CTCF: variants seen among roughly 807,000 people sequenced by gnomAD.
The protein encoded by CTCF is CCCTC-binding factor.
In CTCF, 7 loss-of-function variants were observed where a neutral mutation model predicts 72.3. The observed-to-expected ratio is 0.10, with a 90% CI of 0.06 to 0.18. The LOEUF (loss-of-function observed/expected upper bound fraction) is 0.18. Among genes scored for constraint, CTCF ranks in the 10% least tolerant of loss-of-function variants. The pLI is 1.00. For synonymous variants in CTCF, 374 were observed against 315.8 expected, an observed-to-expected ratio of 1.18 and a Z score of -1.95; for missense variants, 516 against 949.1, an observed-to-expected ratio of 0.54 and a Z score of 6.00.
intron 4 of CTCF, chr16:67,615,917 A>C (rs2052126507): frequency 6.6e-6 from 1 of 152,182 alleles, no homozygotes; most frequent in South Asian, 2.1e-4. Flanking sequence ...CCTCAAAGGC[A>C]GCCTTCCTTT....
intron 11 of CTCF, 122 bp downstream of exon 11, chr16:67,636,973 G>A (rs530610202): frequency 1.3e-5 from 12 of 891,760 alleles, no homozygotes; most frequent in Non-Finnish European, 1.4e-5. Flanking sequence ...AGGGCATGTC[G>A]AGAACAAACT....
At chr16:67,585,078 T>C (rs1482530017) in intron 2 of CTCF, among the ~76,000 whole-genome samples, 1 of 152,204 alleles carries the variant, frequency 6.6e-6, no homozygotes. Context: ...AGAGTTTTGC[T>C]CTTACTGCCC....
intron 2 of CTCF, among the ~76,000 whole-genome samples, chr16:67,575,336 A>G (rs958809594): frequency 6.6e-6 from 1 of 151,922 alleles, no homozygotes; most frequent in African/African-American, 2.4e-5. Flanking sequence ...CTTTGGGAGG[A>G]TGAATTTTAT....
chr16:67,610,042 C>A (rs1233800844), intron 2 of CTCF, among the ~76,000 whole-genome samples: 1 of 152,124 alleles, frequency 6.6e-6, no homozygotes, highest in African/African-American at 2.4e-5. Flanking sequence ...TAGTGACAAC[C>A]AAAAATGTGT....
rs865859630 is a variant in CTCF, at chr16:67,638,021, A to G, written c.*149A>G. On this transcript the variant is annotated 3_prime_UTR_variant, in exon 12 of 12. Transcript: ENST00000264010. Reference sequence around the variant, plus strand: ...GAACGAAAACTTCAAGGATGATGTTAGAAAAAAATGTGATTTAACTAGAAC... The same window carrying G: ...GAACGAAAACTTCAAGGATGATGTTGGAAAAAAATGTGATTTAACTAGAAC... 1.5e-4 allele frequency: 101 copies of G among 687,088 alleles called. No individual in the cohort carries two copies. In the Middle Eastern group the frequency reaches 5.9e-3, roughly 40 times the overall value. 42.6% of individuals were successfully genotyped at this position (687,088 alleles called of 1,614,324 possible).
chr16:67,604,892 C>T (rs1242047920), intron 2 of CTCF, among the ~76,000 whole-genome samples: 2 of 145,614 alleles, frequency 1.4e-5, no homozygotes, highest in African/African-American at 5.1e-5. Flanking sequence ...TCTGTCTGAA[C>T]AGTACTGAGT....
chr16:67,631,060 T>C (rs2142873344), intron 10 of CTCF, among the ~76,000 whole-genome samples: 1 of 152,220 alleles, frequency 6.6e-6, no homozygotes, highest in South Asian at 2.1e-4. Flanking sequence ...GCACTGGTTG[T>C]CAGTAGAAAT....
chr16:67,579,291 C>A (rs906301994), intron 2 of CTCF, among the ~76,000 whole-genome samples: 2 of 151,708 alleles, frequency 1.3e-5, no homozygotes, highest in African/African-American at 4.8e-5. Flanking sequence ...AAAAATAAAG[C>A]ACAAATAGTA....
At chr16:67,584,337 C>CTTTTTTTTTT (rs904086024) in intron 2 of CTCF, among the ~76,000 whole-genome samples, 112 of 105,824 alleles carry the variant, frequency 1.1e-3, no homozygotes, top group African/African-American at 3.5e-3. Context: ...AAAAAGTCTT[C>CTTTTTTTTTT]TTTTTTTTTT....
intron 3 of CTCF, 120 bp downstream of exon 3, chr16:67,611,733 G>A (rs919553526): frequency 4.1e-5 from 44 of 1,082,442 alleles, no homozygotes; most frequent in African/African-American, 1.3e-4. Context: ...TGTGGGTACC[G>A]TTCTTTAAAA....
chr16:67,621,687 A>G, intron 7 of CTCF, 96 bp downstream of exon 7: 2 of 890,718 alleles, frequency 2.2e-6, no homozygotes, highest in African/African-American at 1.7e-5. Flanking sequence ...TCTGACTCTC[A>G]TAACATTTTA....
chr16:67,591,542 G>T (rs568605071), intron 2 of CTCF, among the ~76,000 whole-genome samples: 1 of 152,278 alleles, frequency 6.6e-6, no homozygotes, highest in East Asian at 1.9e-4. Context: ...TCTCAGATAA[G>T]ATGATGGCGT....
In CTCF at chr16:67,625,770, C is replaced by T. The variant is rs147868487; in HGVS notation, c.1358-785C>T. Reference sequence around the variant, plus strand: ...CTCTGGCATTTCAAATTCAGCATGTCTAAAACTGAAGGTCTAAAACTTCTC... The same window carrying T: ...CTCTGGCATTTCAAATTCAGCATGTTTAAAACTGAAGGTCTAAAACTTCTC... On this transcript the variant is annotated intron_variant, in intron 7 of 11. Transcript: ENST00000264010. Among the ~76,000 whole-genome samples, 202 of 152,172 alleles carry T rather than the reference C, an allele frequency of 1.3e-3. 4 individuals carry two copies. The Middle Eastern group carries it at 0.044, about 33-fold the overall frequency.
At chr16:67,616,570 TTCA>T in intron 4 of CTCF, 172 bp from the exon 5 acceptor site, 1 of 667,166 alleles carries the variant, frequency 1.5e-6, no homozygotes, top group Non-Finnish European at 2.6e-6. Context: ...TTAGTATAAA[TTCA>T]TCCAGGCCCT....
intron 5 of CTCF, among the ~76,000 whole-genome samples, chr16:67,617,086 G>T (rs913248037): frequency 6.6e-5 from 10 of 152,238 alleles, no homozygotes; most frequent in African/African-American, 2.2e-4. Context: ...TTCTGGCTGG[G>T]TGCGGTGGCT....
At chr16:67,637,552 A>G (rs2052447471) in intron 11 of CTCF, 136 bp from the exon 12 acceptor site, 3 of 660,806 alleles carry the variant, frequency 4.5e-6, no homozygotes, top group Non-Finnish European at 7.7e-6. Context: ...TAAAAAATAA[A>G]TTGACTGTCT....
chr16:67,562,899 C>T (rs2051294605), intron 1 of CTCF, among the ~76,000 whole-genome samples, 175 bp downstream of exon 1: 1 of 134,482 alleles, frequency 7.4e-6, no homozygotes, highest in African/African-American at 2.7e-5. Context: ...GCCGCCGTGG[C>T]CCGGCCGCCC....
rs2142870189 is a variant in CTCF at position 67,629,545 on chromosome 16, G to C, written c.1837+12G>C. 1.9e-6 allele frequency: 3 copies of C among 1,611,876 alleles called. No homozygotes were observed. The highest frequency in any genetic ancestry group is 2.5e-6 in the Non-Finnish European group (3 of 1,179,090). ...TTCCTCTGACAGTGGTAAGTGACTT[G>C]TTCCTTGATTTGCTTACTATGGCAG... On this transcript the variant is annotated intron_variant, in intron 10 of 11. Transcript: ENST00000264010.
intron 1 of CTCF, among the ~76,000 whole-genome samples, chr16:67,566,131 ACAACTCAGATG>A (rs2051340440): frequency 6.6e-6 from 1 of 152,178 alleles, no homozygotes; most frequent in Non-Finnish European, 1.5e-5. Flanking sequence ...CCCTCTTCAA[ACAACTCAGATG>A]CATTATGATT....
Sources: allele counts gnomAD v4.1 joint callset (sites outside exome capture counted in the v4.1 genomes callset), GRCh38; gene constraint gnomAD v4.1.1; transcripts MANE v1.5; gene names NCBI Gene and HGNC (gene_info 2026-07-23, HGNC 2026-07-21).